Variants in CREG2 observed in about 807,000 individuals in gnomAD.
CREG2 encodes cellular repressor of E1A stimulated genes 2.
CREG2 carries 24 observed loss-of-function variants against 26.2 expected under a neutral mutation model. The observed-to-expected ratio is 0.92, with a 90% confidence interval of 0.66 to 1.29. The LOEUF is 1.29. Ranked by LOEUF, CREG2 falls within the 50% of genes most tolerant of loss-of-function variation. The probability of loss-of-function intolerance (pLI) is 0.00; values close to 1 mark genes in which losing one functional copy is unlikely to be tolerated. For missense variants in CREG2, 366 were observed against 398.6 expected (o/e 0.92, Z 0.70); for synonymous variants, 174 against 169.2 (o/e 1.03, Z -0.22).
At chr2:101,357,994 G>C (rs1382957883) in intron 2 of CREG2, among the ~76,000 whole-genome samples, 1 of 135,492 alleles carries the variant, frequency 7.4e-6, no homozygotes, top group African/African-American at 2.7e-5. Flanking sequence ...AAAAAAAAAA[G>C]CTAGGCTACC....
At chr2:101,352,089 C>G (rs1684392937) in intron 3 of CREG2, among the ~76,000 whole-genome samples, 2 of 151,576 alleles carry the variant, frequency 1.3e-5, no homozygotes, top group African/African-American at 4.9e-5. Context: ...ACTATGTTGC[C>G]CGGGCTAGTC....
intron 2 of CREG2, among the ~76,000 whole-genome samples, chr2:101,372,880 C>A (rs1296176743): frequency 6.6e-6 from 1 of 152,154 alleles, no homozygotes; most frequent in African/African-American, 2.4e-5. Flanking sequence ...AATAAGCACA[C>A]AAAAGGATGC....
intron 2 of CREG2, among the ~76,000 whole-genome samples, chr2:101,379,644 A>C (rs1307163678): frequency 6.6e-6 from 1 of 152,238 alleles, no homozygotes; most frequent in Non-Finnish European, 1.5e-5. Flanking sequence ...AAGAACATAC[A>C]TCAGCTTTGA....
At chr2:101,369,244 G>A (rs1684666382) in intron 2 of CREG2, among the ~76,000 whole-genome samples, 1 of 152,182 alleles carries the variant, frequency 6.6e-6, no homozygotes. Context: ...CAAGGGCTTG[G>A]GCCAGGGGGT....
chr2:101,357,558 T>G (rs1241931992), intron 2 of CREG2, among the ~76,000 whole-genome samples: 1 of 152,180 alleles, frequency 6.6e-6, no homozygotes, highest in Non-Finnish European at 1.5e-5. Context: ...ATGATAATAT[T>G]AGTCACTTAC....
chr2:101,359,924 A>T (rs888427163), intron 2 of CREG2, among the ~76,000 whole-genome samples: 3 of 152,236 alleles, frequency 2.0e-5, no homozygotes, highest in African/African-American at 7.2e-5. Context: ...ATAAACAAGG[A>T]CATGCCAATT....
chr2:101,355,227 A>C, intron 3 of CREG2, 26 bp downstream of exon 3: 1 of 1,378,298 alleles, frequency 7.3e-7, no homozygotes, highest in Non-Finnish European at 1.0e-6. Context: ...ATTTCTGGGC[A>C]TATAAATTTT....
chr2:101,380,097 A>G (rs1357120696), intron 2 of CREG2, among the ~76,000 whole-genome samples: 1 of 152,136 alleles, frequency 6.6e-6, no homozygotes, highest in African/African-American at 2.4e-5. Context: ...TCCATCTATC[A>G]TCAATCATCT....
chr2:101,387,325 C>T lies in CREG2; in HGVS notation c.133G>A (p.Glu45Lys). The T allele has an allele frequency of 8.2e-6, 12 of 1,467,666 alleles. No individual in the cohort carries two copies. The highest frequency in any genetic ancestry group is 1.0e-5 in the Non-Finnish European group (11 of 1,098,612). 90.9% of individuals were successfully genotyped at this position (1,467,666 alleles called of 1,614,324 possible). A position where few individuals can be genotyped will look rare whatever the true frequency, so the allele number is the denominator to read the frequency against. The change falls in exon 1 of 4, where the codon GAG (glutamate) becomes AAG (lysine). Residue 45 changes from glutamate to lysine, a missense_variant. Glu to Lys is a moderately conservative substitution (Grantham distance 56, BLOSUM62 1). This residue lies in a region of CREG2 where 177 missense variants were observed against 183.3 expected (regional missense o/e 0.97). Transcript: ENST00000324768. The surrounding 1 kb of genome is among the most constrained non-coding windows in gnomAD (Gnocchi z 4.7). Reference sequence around the variant, plus strand: ...GCGCTGTCCAGCTCCTCGTCCACCTCGTTGGTGACGGCCCAAGACACGGAG... The same window carrying T: ...GCGCTGTCCAGCTCCTCGTCCACCTTGTTGGTGACGGCCCAAGACACGGAG... ...VSSVSWAVTNEVDEELDSAST... is the reference protein window; with the variant it reads ...VSSVSWAVTNKVDEELDSAST...
intron 2 of CREG2, chr2:101,382,957 G>A: frequency 1.0e-6 from 1 of 985,708 alleles, no homozygotes; most frequent in Non-Finnish European, 1.2e-6. Flanking sequence ...TTTGCATTTT[G>A]AATTCAGATA....
At position 101,348,986 on chromosome 2, in the gene CREG2, A is replaced by C. The variant is rs6726192; in HGVS notation, c.*1937T>G. On this transcript the variant is annotated 3_prime_UTR_variant, in exon 4 of 4. Transcript: ENST00000324768. The stretch of plus-strand genomic sequence containing the variant: ...GGATAAATAGCTGATAACATTCATC[A>C]GTGGTTATGAATGGCATCCACTGGG... 5.4e-3 allele frequency: 829 copies of C among 152,578 alleles called. 24 individuals carry two copies. In the East Asian group the frequency reaches 0.096, roughly 18 times the overall value. 9.5% of individuals were successfully genotyped at this position (152,578 alleles called of 1,614,324 possible).
At chr2:101,357,190 T>G (rs1005751491) in intron 2 of CREG2, among the ~76,000 whole-genome samples, 1 of 150,874 alleles carries the variant, frequency 6.6e-6, no homozygotes, top group Admixed American at 6.6e-5. Flanking sequence ...CTCAGCCCAA[T>G]TTTTGTATTT....
chr2:101,384,992 C>T (rs1237921529), intron 1 of CREG2, among the ~76,000 whole-genome samples: 2 of 152,132 alleles, frequency 1.3e-5, no homozygotes, highest in African/African-American at 2.4e-5. Flanking sequence ...GAGGCCTCCC[C>T]AGAAGCAGAT....
chr2:101,371,806 G>A (rs1684711150), intron 2 of CREG2, among the ~76,000 whole-genome samples: 1 of 152,188 alleles, frequency 6.6e-6, no homozygotes, highest in Non-Finnish European at 1.5e-5. Flanking sequence ...CCAGGGAATG[G>A]TATGGGCTTT....
At chr2:101,381,830 C>T (rs114759556) in intron 2 of CREG2, among the ~76,000 whole-genome samples, 356 of 152,270 alleles carry the variant, frequency 2.3e-3, no homozygotes, top group African/African-American at 8.2e-3. Flanking sequence ...CTACATGTGG[C>T]CTGTCATGAA....
chr2:101,382,698 A>G (rs1376939578), intron 2 of CREG2: 1 of 985,296 alleles, frequency 1.0e-6, no homozygotes, highest in Non-Finnish European at 1.2e-6. Context: ...GAACTAATAC[A>G]TTGTTTGGTT....
intron 2 of CREG2, among the ~76,000 whole-genome samples, chr2:101,371,835 G>A (rs1373673928): frequency 6.6e-6 from 1 of 152,134 alleles, no homozygotes; most frequent in African/African-American, 2.4e-5. Context: ...AGGAGCCTTG[G>A]ACTGGGAAGT....
At chr2:101,362,508 TGTG>T (rs1684557542) in intron 2 of CREG2, among the ~76,000 whole-genome samples, 1 of 152,230 alleles carries the variant, frequency 6.6e-6, no homozygotes, top group East Asian at 1.9e-4. Context: ...TGTTCTTAGA[TGTG>T]GTGGAGGCGT....
Position 101,386,547 on chromosome 2 carries a change from C to T in CREG2, c.441+470G>A, listed in dbSNP as rs114710437. 4.1e-3 allele frequency among the ~76,000 whole-genome samples: 625 copies of T among 152,348 alleles called. 2 individuals carry two copies. The highest frequency in any genetic ancestry group is 0.014 in the African/African-American group (595 of 41,586). Reference sequence around the variant, plus strand: ...ACTCCATTTTCTTAAATGCAGATTTCCATCGAAGCCCTCGTGCTCTCTCTC... The same window carrying T: ...ACTCCATTTTCTTAAATGCAGATTTTCATCGAAGCCCTCGTGCTCTCTCTC... On this transcript the variant is annotated intron_variant, in intron 1 of 3. Coordinates refer to ENST00000324768, the MANE Select transcript of CREG2 (RefSeq NM_153836.4).
Sources: gnomAD v4.1 joint callset for allele counts (sites outside exome capture counted in the v4.1 genomes callset) on GRCh38, gnomAD v4.1.1 for gene constraint, gnomAD v4.1.1 regional missense constraint, Gnocchi (gnomAD v3.1) non-coding constraint, MANE v1.5 for transcripts, NCBI Gene and HGNC (gene_info 2026-07-23, HGNC 2026-07-21) for gene names.